PRKCE: variants seen among roughly 807,000 people sequenced by gnomAD.
PRKCE encodes the protein protein kinase C epsilon, also known as protein kinase C epsilon type.
PRKCE carries 16 observed loss-of-function variants against 85.4 expected under a neutral mutation model. The ratio of observed to expected loss-of-function variants is 0.19; its 90% CI spans 0.13 to 0.28. The LOEUF is 0.28. Among genes scored for constraint, PRKCE ranks in the 10% least tolerant of loss-of-function variants. PRKCE has a pLI of 1.00. For missense variants in PRKCE, 573 were observed against 975.2 expected, an observed-to-expected ratio of 0.59 and a Z score of 5.49; for synonymous variants, 388 against 371.5, an observed-to-expected ratio of 1.04 and a Z score of -0.51.
At chr2:45,992,487 T>C (rs1457131333) in intron 6 of PRKCE, among the ~76,000 whole-genome samples, 1 of 152,232 alleles carries the variant, frequency 6.6e-6, no homozygotes, top group African/African-American at 2.4e-5. Context: ...GGTCGTTCAC[T>C]CTCACACCCC....
chr2:45,669,438 C>T (rs1676054981), intron 1 of PRKCE, among the ~76,000 whole-genome samples: 1 of 152,234 alleles, frequency 6.6e-6, no homozygotes. Context: ...TGGCCAGCCT[C>T]AGTGCTGGGC....
intron 1 of PRKCE, among the ~76,000 whole-genome samples, chr2:45,691,008 C>G (rs1413153382): frequency 6.6e-6 from 1 of 152,214 alleles, no homozygotes; most frequent in Non-Finnish European, 1.5e-5. Flanking sequence ...AAATAGCCAT[C>G]ATGGGAAAAG....
In PRKCE at chr2:46,004,470, G is replaced by A; in HGVS notation, c.967-72G>A. The A allele has an allele frequency of 8.1e-7, 1 of 1,237,308 alleles. No homozygotes were observed. Among genetic ancestry groups the A allele is most frequent in the South Asian group, 1.3e-5 (1 of 77,370 alleles). 76.6% of individuals were successfully genotyped at this position (1,237,308 alleles called of 1,614,324 possible). A position where few individuals can be genotyped will look rare whatever the true frequency, so the allele number is the denominator to read the frequency against. On this transcript the variant is annotated intron_variant, in intron 7 of 14. Coordinates refer to ENST00000306156, the MANE Select transcript of PRKCE (RefSeq NM_005400.3). This position sits in a 1 kb window ranked among gnomAD's most constrained non-coding sequence, Gnocchi z 4.1. ...TCTCATGGCTCTTATACGGCATCTT[G>A]ATGCTTTTGACATCAGAAAACTCTC...
intron 11 of PRKCE, among the ~76,000 whole-genome samples, chr2:46,101,723 G>A (rs749576238): frequency 2.0e-5 from 3 of 152,188 alleles, no homozygotes; most frequent in Admixed American, 6.5e-5. Flanking sequence ...CCTCCAATTC[G>A]CTGTTTTATA....
intron 1 of PRKCE, among the ~76,000 whole-genome samples, chr2:45,819,215 G>C (rs987834807): frequency 6.6e-6 from 1 of 152,182 alleles, no homozygotes; most frequent in African/African-American, 2.4e-5. Context: ...CTGTGAGGGA[G>C]GTACTTTGTC....
intron 14 of PRKCE, among the ~76,000 whole-genome samples, chr2:46,182,296 G>A (rs766524167): frequency 6.0e-4 from 91 of 152,038 alleles, no homozygotes; most frequent in African/African-American, 2.1e-3. Context: ...AAGAGGTGTC[G>A]CCACACCCTT....
At chr2:45,688,294 C>G (rs1677458404) in intron 1 of PRKCE, among the ~76,000 whole-genome samples, 1 of 151,862 alleles carries the variant, frequency 6.6e-6, no homozygotes, top group South Asian at 2.1e-4. Flanking sequence ...TTAAGAATTC[C>G]CTAGTGTAAG....
intron 2 of PRKCE, among the ~76,000 whole-genome samples, chr2:45,913,178 G>T (rs779157294): frequency 6.6e-6 from 1 of 152,172 alleles, no homozygotes; most frequent in African/African-American, 2.4e-5. Context: ...ACAGGGTCTC[G>T]CTTTGTTACC....
rs1220861645 is a variant in PRKCE, at chr2:45,984,207, G to A, written c.694-344G>A. Among the ~76,000 whole-genome samples, 4 of 152,032 alleles carry A rather than the reference G, an allele frequency of 2.6e-5. No individual in the cohort carries two copies. In the East Asian group the frequency reaches 7.7e-4, roughly 29 times the overall value. ...CCTACCTCAGCCTCCCAAAATGCTG[G>A]GATTACAGATATGATCCACTGCACC... On this transcript the variant is annotated intron_variant, in intron 5 of 14. Coordinates refer to ENST00000306156, the MANE Select transcript of PRKCE (RefSeq NM_005400.3).
At chr2:45,857,782 T>A (rs1692796135) in intron 2 of PRKCE, among the ~76,000 whole-genome samples, 1 of 152,128 alleles carries the variant, frequency 6.6e-6, no homozygotes, top group Non-Finnish European at 1.5e-5. Context: ...CTCTTTAGGA[T>A]CTAAGCTCTA....
At chr2:45,654,543 G>A (rs543361712) in intron 1 of PRKCE, among the ~76,000 whole-genome samples, 13 of 152,334 alleles carry the variant, frequency 8.5e-5, no homozygotes, top group South Asian at 2.1e-4. Flanking sequence ...ATGGGGAGCC[G>A]AGCCTGCCCA....
intron 10 of PRKCE, among the ~76,000 whole-genome samples, chr2:46,085,084 T>C (rs1282098628): frequency 6.6e-6 from 1 of 152,172 alleles, no homozygotes; most frequent in Non-Finnish European, 1.5e-5. Flanking sequence ...CTTGTAATTA[T>C]TTGCCCTCAC....
At chr2:45,902,070 A>C (rs60552363) in intron 2 of PRKCE, among the ~76,000 whole-genome samples, 3,240 of 152,232 alleles carry the variant, frequency 0.021, 101 homozygotes, top group East Asian at 0.11. Flanking sequence ...CTAGGAAATT[A>C]TTTCACCCTC....
chr2:46,183,897 T>G (rs1680239820), intron 14 of PRKCE, among the ~76,000 whole-genome samples: 1 of 152,238 alleles, frequency 6.6e-6, no homozygotes, highest in African/African-American at 2.4e-5. Flanking sequence ...TTATACTTCC[T>G]GATTTTCTCC....
intron 1 of PRKCE, among the ~76,000 whole-genome samples, chr2:45,668,693 A>G (rs1030594097): frequency 2.0e-5 from 3 of 152,162 alleles, no homozygotes; most frequent in Admixed American, 2.0e-4. Flanking sequence ...TGTGACCTTG[A>G]TGAAGCTGAA....
intron 1 of PRKCE, among the ~76,000 whole-genome samples, chr2:45,657,631 T>C (rs1675439294): frequency 6.6e-6 from 1 of 152,156 alleles, no homozygotes; most frequent in Admixed American, 6.5e-5. Flanking sequence ...CCAAAGTAGC[T>C]CTCTTCAGTC....
chr2:45,938,982 C>T (rs1452934443), intron 2 of PRKCE, among the ~76,000 whole-genome samples: 2 of 152,156 alleles, frequency 1.3e-5, no homozygotes, highest in African/African-American at 2.4e-5. Flanking sequence ...AGGAATCCAG[C>T]GCAGTAGGCT....
At chr2:45,997,420 T>C (rs113578249) in intron 6 of PRKCE, among the ~76,000 whole-genome samples, 8 of 152,250 alleles carry the variant, frequency 5.3e-5, no homozygotes, top group African/African-American at 1.9e-4. Flanking sequence ...GCTTAGATTA[T>C]TGATTTTTAG....
chr2:45,853,686 G>A (rs1186060996), intron 2 of PRKCE, among the ~76,000 whole-genome samples: 9 of 152,170 alleles, frequency 5.9e-5, no homozygotes, highest in Non-Finnish European at 4.4e-5. Flanking sequence ...AAAATAACAG[G>A]AAAAACTGTC....
Sources: allele counts gnomAD v4.1 joint callset (sites outside exome capture counted in the v4.1 genomes callset), GRCh38; gene constraint gnomAD v4.1.1; non-coding constraint Gnocchi (gnomAD v3.1); transcripts MANE v1.5; gene names NCBI Gene and HGNC (gene_info 2026-07-23, HGNC 2026-07-21).